The following PRUNE1 variants were observed in gnomAD, a reference collection of about 807,000 sequenced individuals.
PRUNE1 encodes the protein prune exopolyphosphatase 1.
A neutral mutation model predicts 42.5 loss-of-function variants in PRUNE1; 25 were observed. The ratio of observed to expected loss-of-function variants is 0.59; its 90% CI spans 0.43 to 0.82. PRUNE1 has a LOEUF of 0.82. Ranked by LOEUF, PRUNE1 falls within the 40% of genes least tolerant of loss-of-function variation. The probability of loss-of-function intolerance (pLI) is 0.00; values close to 1 mark genes in which losing one functional copy is unlikely to be tolerated. For missense variants in PRUNE1, 443 were observed against 539.3 expected, an observed-to-expected ratio of 0.82 and a Z score of 1.77; for synonymous variants, 203 against 217.1, an observed-to-expected ratio of 0.93 and a Z score of 0.57.
Position 151,017,876 on chromosome 1 carries a change from C to T in PRUNE1, c.104C>T (p.Ala35Val). The change falls in exon 2 of 8, where the codon GCT (alanine) becomes GTT (valine). Residue 35 changes from alanine to valine, a missense_variant. Ala to Val is a moderately conservative substitution (Grantham distance 64). Coordinates refer to ENST00000271620, the MANE Select transcript of PRUNE1 (RefSeq NM_021222.3). ...EACDLDSTVS[A>V]LALAFYLAKT... is the part of the protein sequence containing the mutation. Reference sequence around the variant, plus strand: ...TGTGATTTGGACTCCACAGTGTCTGCTCTTGCCCTGGCTTTTTACCTAGCA... The same window carrying T: ...TGTGATTTGGACTCCACAGTGTCTGTTCTTGCCCTGGCTTTTTACCTAGCA... 1.2e-6 allele frequency: 2 copies of T among 1,602,884 alleles called. No homozygotes were observed. The highest frequency in any genetic ancestry group is 8.5e-7 in the Non-Finnish European group (1 of 1,169,936).
At chr1:151,029,839 G>A (rs1301899637) in intron 7 of PRUNE1, among the ~76,000 whole-genome samples, 1 of 152,190 alleles carries the variant, frequency 6.6e-6, no homozygotes, top group Admixed American at 6.6e-5. Flanking sequence ...TACTTACTAT[G>A]CAGGGATTAA....
chr1:151,015,802 C>G (rs1674075029), intron 1 of PRUNE1, among the ~76,000 whole-genome samples: 1 of 151,834 alleles, frequency 6.6e-6, no homozygotes, highest in East Asian at 1.9e-4. Flanking sequence ...GACCCTGTCT[C>G]AAAAAGTAAA....
Position 151,019,021 on chromosome 1 carries a change from C to T in PRUNE1, c.335+352C>T, listed in dbSNP as rs1413491433. The stretch of plus-strand genomic sequence containing the variant: ...TCGTGCCACTGCACTCCAGCCTGAG[C>T]GACAGAGCCAGACTCCGTCTCAAAA... On this transcript the variant is annotated intron_variant, in intron 3 of 7. Coordinates refer to ENST00000271620, the MANE Select transcript of PRUNE1 (RefSeq NM_021222.3). Among the ~76,000 whole-genome samples the T allele has an allele frequency of 3.9e-5, 6 of 152,194 alleles. No homozygotes were observed. In the East Asian group the frequency reaches 5.8e-4, roughly 15 times the overall value.
chr1:151,026,280 A>C (rs587601257), intron 5 of PRUNE1, among the ~76,000 whole-genome samples: 1 of 151,738 alleles, frequency 6.6e-6, no homozygotes, highest in South Asian at 2.1e-4. Context: ...AACATGGTGA[A>C]ACTCCGTTTC....
intron 1 of PRUNE1, among the ~76,000 whole-genome samples, chr1:151,015,238 G>C (rs1459269091): frequency 1.3e-5 from 2 of 151,634 alleles, no homozygotes; most frequent in African/African-American, 4.8e-5. Context: ...GAGGCTGAAG[G>C]GGGAGAATCA....
chr1:151,025,937 C>A (rs1344677576), intron 5 of PRUNE1, among the ~76,000 whole-genome samples: 1 of 151,796 alleles, frequency 6.6e-6, no homozygotes, highest in African/African-American at 2.4e-5. Context: ...GATCGGGTTT[C>A]ACCATGTTGA....
intron 3 of PRUNE1, among the ~76,000 whole-genome samples, chr1:151,020,750 G>C (rs186965663): frequency 1.3e-5 from 2 of 152,086 alleles, no homozygotes; most frequent in Non-Finnish European, 2.9e-5. Flanking sequence ...GGGAGGCTGA[G>C]GGGGGCGGAT....
intron 5 of PRUNE1, among the ~76,000 whole-genome samples, chr1:151,026,847 C>CTTTTTTTTT (rs766393235): frequency 3.9e-5 from 5 of 128,642 alleles, no homozygotes; most frequent in Non-Finnish European, 8.4e-5. Context: ...TTCTTTCTTT[C>CTTTTTTTTT]TTTTTTTTTT....
Position 151,028,951 on chromosome 1 carries a change from CTG to C in PRUNE1, c.933+11_933+12del, listed in dbSNP as rs1675055531. On this transcript the variant is annotated splice_region_variant and intron_variant, in intron 7 of 7. Transcript: ENST00000271620. ...TGTGGCACTCCAAACAACGGTGAGTCTGTGTCCCTTCTCCAACCTAAGAGCCT... is the reference window on the plus strand; with the variant it reads ...TGTGGCACTCCAAACAACGGTGAGTCTGTCCCTTCTCCAACCTAAGAGCCT... 1 of 1,608,888 alleles carries C rather than the reference CTG, an allele frequency of 6.2e-7. No homozygotes were observed. The highest frequency in any genetic ancestry group is 1.7e-5 in the Admixed American group (1 of 59,948).
At position 151,033,883 on chromosome 1, in the gene PRUNE1, T is replaced by A; in HGVS notation, c.1011T>A (p.His337Gln). 6.2e-7 allele frequency: 1 copy of A among 1,613,814 alleles called. No individual in the cohort carries two copies. Among genetic ancestry groups the A allele is most frequent in the Non-Finnish European group, 8.5e-7 (1 of 1,179,774 alleles). ...CCTCAAGTACCCACCCTAACCTCCA[T>A]GCCTATCTTCAAGGCAACACCCAGG... is the stretch of plus-strand genomic sequence containing the variant. ...TPASSTHPNL[H>Q]AYLQGNTQVS... Residue 337 changes from histidine to glutamine, a missense_variant, in exon 8 of 8, where the codon CAT becomes CAA. Physicochemically the swap from His to Gln is conservative, Grantham distance 24. Transcript: ENST00000271620.
At chr1:151,014,065 C>T (rs907556317) in intron 1 of PRUNE1, among the ~76,000 whole-genome samples, 4 of 151,994 alleles carry the variant, frequency 2.6e-5, no homozygotes, top group East Asian at 3.9e-4. Context: ...CTGCAACCTC[C>T]GCCTCCCGGG....
In PRUNE1 at chr1:151,028,585, G is replaced by A. The variant is rs141590629; in HGVS notation, c.775-201G>A. Among the ~76,000 whole-genome samples, 498 of 152,112 alleles carry A rather than the reference G, an allele frequency of 3.3e-3. 15 individuals are homozygous for A. The East Asian group carries it at 0.076, about 23-fold the overall frequency. On this transcript the variant is annotated intron_variant, in intron 6 of 7. Transcript: ENST00000271620. ...ATTACAGGCATATGCCCCCATGCCCGGCTAATTTTTGTATTTTTACCAGAG... is the reference window on the plus strand; with the variant it reads ...ATTACAGGCATATGCCCCCATGCCCAGCTAATTTTTGTATTTTTACCAGAG...
chr1:151,015,541 A>ATGG, intron 1 of PRUNE1, among the ~76,000 whole-genome samples: 1 of 146,060 alleles, frequency 6.8e-6, no homozygotes, highest in South Asian at 2.3e-4. Context: ...GGCTGAGGCA[A>ATGG]GAGAATCTCT....
Position 151,034,008 on chromosome 1 carries a change from C to T in PRUNE1, c.1136C>T (p.Ser379Phe), listed in dbSNP as rs754235950. 1.9e-6 allele frequency: 3 copies of T among 1,614,090 alleles called. No individual in the cohort carries two copies. In the Admixed American group the frequency reaches 5.0e-5, roughly 27 times the overall value. ...PSGQPETADV[S>F]REQVDKELDR... is the part of the protein sequence containing the mutation. ...GGACAGCCTGAGACAGCAGATGTGT[C>T]CAGGGAGCAAGTGGACAAGGAATTG... Residue 379 changes from serine to phenylalanine, a missense_variant, in exon 8 of 8, where the codon TCC becomes TTC. Transcript: ENST00000271620.
Position 151,008,496 on chromosome 1 carries a change from G to A in PRUNE1, c.-137G>A, listed in dbSNP as rs1673474236. The A allele has an allele frequency of 6.3e-6, 8 of 1,268,480 alleles. No homozygotes were observed. In the Admixed American group the frequency reaches 1.1e-4, roughly 17 times the overall value. 78.6% of individuals were successfully genotyped at this position (1,268,480 alleles called of 1,614,324 possible). On this transcript the variant is annotated 5_prime_UTR_variant, in exon 1 of 8. Transcript: ENST00000271620. ...GGGGTCGGAGGCCGATTCGCCGTGTGGCGGGTTCGAGTCCCGCCTCCTGAC... is the reference window on the plus strand; with the variant it reads ...GGGGTCGGAGGCCGATTCGCCGTGTAGCGGGTTCGAGTCCCGCCTCCTGAC...
chr1:151,026,847 CTT>C (rs766393235), intron 5 of PRUNE1, among the ~76,000 whole-genome samples: 24 of 128,576 alleles, frequency 1.9e-4, no homozygotes, highest in Admixed American at 2.4e-4. Context: ...TTCTTTCTTT[CTT>C]TTTTTTTTTT....
chr1:151,025,512 C>T lies in PRUNE1; in HGVS notation c.521-3C>T. On this transcript the variant is annotated splice_polypyrimidine_tract_variant and splice_region_variant and intron_variant, in intron 4 of 7. Transcript: ENST00000271620. ...CAAGTTCCACCATCTCCCTTCTCCA[C>T]AGGAACCATCATCCTGGACTGTGTC... 1.2e-6 allele frequency: 2 copies of T among 1,612,386 alleles called. No homozygotes were observed. Among genetic ancestry groups the T allele is most frequent in the Non-Finnish European group, 1.7e-6 (2 of 1,179,318 alleles).
rs1356306543 is a variant in PRUNE1, at chr1:151,031,126, G to T, written c.933+2182G>T. 5.9e-5 allele frequency among the ~76,000 whole-genome samples: 9 copies of T among 151,444 alleles called. No individual in the cohort carries two copies. In the South Asian group the frequency reaches 1.0e-3, roughly 18 times the overall value. Reference sequence around the variant, plus strand: ...TTTCTAATGACTCTACCATTGTCTAGGTTGCCCCTATGCTTGGAAACAGGA... The same window carrying T: ...TTTCTAATGACTCTACCATTGTCTATGTTGCCCCTATGCTTGGAAACAGGA... On this transcript the variant is annotated intron_variant, in intron 7 of 7. Coordinates refer to ENST00000271620, the MANE Select transcript of PRUNE1 (RefSeq NM_021222.3).
chr1:151,016,101 A>G (rs769801582), intron 1 of PRUNE1, among the ~76,000 whole-genome samples: 19 of 151,946 alleles, frequency 1.3e-4, no homozygotes, highest in Non-Finnish European at 1.5e-4. Context: ...GCCGGGCATC[A>G]TGGCGCATGC....
Sources: allele counts gnomAD v4.1 joint callset (sites outside exome capture counted in the v4.1 genomes callset), GRCh38; gene constraint gnomAD v4.1.1; transcripts MANE v1.5; gene names NCBI Gene and HGNC (gene_info 2026-07-23, HGNC 2026-07-21).